Variants in CAMKK2 observed in about 807,000 individuals in gnomAD.
CAMKK2 encodes the protein calcium/calmodulin dependent protein kinase kinase 2, also known as calcium/calmodulin-dependent protein kinase kinase 2.
A neutral mutation model predicts 67.2 loss-of-function variants in CAMKK2; 30 were observed. That is an observed-to-expected ratio of 0.45 (90% CI 0.33 to 0.61). CAMKK2 has a LOEUF of 0.61. CAMKK2 is among the 20% of genes least tolerant of loss of function. The pLI is 0.02. For missense variants in CAMKK2, 643 were observed against 802.0 expected (o/e 0.80, Z 2.39); for synonymous variants, 322 against 326.2 (o/e 0.99, Z 0.14).
At chr12:121,293,278 A>G (rs1024488383) in intron 1 of CAMKK2, among the ~76,000 whole-genome samples, 2 of 152,188 alleles carry the variant, frequency 1.3e-5, no homozygotes, top group Non-Finnish European at 2.9e-5. Context: ...ACTCCATCTC[A>G]AAGAAAAGAA....
chr12:121,248,454 C>A, intron 14 of CAMKK2, 152 bp downstream of exon 14: 1 of 804,976 alleles, frequency 1.2e-6, no homozygotes, highest in Non-Finnish European at 2.0e-6. Flanking sequence ...TGGCCTGATA[C>A]ATGACCAAGG....
chr12:121,287,526 G>T (rs1566139828), intron 1 of CAMKK2, among the ~76,000 whole-genome samples: 2 of 152,104 alleles, frequency 1.3e-5, no homozygotes, highest in Admixed American at 6.6e-5. Flanking sequence ...AGTGACCCTT[G>T]AGGCCCTGGA....
Position 121,253,492 on chromosome 12 carries a change from A to T in CAMKK2, c.908-20T>A. On this transcript the variant is annotated intron_variant, in intron 9 of 16. Transcript: ENST00000404169. This position sits in a 1 kb window ranked among gnomAD's most constrained non-coding sequence, Gnocchi z 5.0. ...AGTGTACTGGGGAGGCGTAGACAGC[A>T]GGTGGGAGATAGGGGCAGGAAAACC... is the stretch of plus-strand genomic sequence containing the variant. 6.2e-7 allele frequency: 1 copy of T among 1,611,482 alleles called. No homozygotes were observed. The highest frequency in any genetic ancestry group is 1.1e-5 in the South Asian group (1 of 91,036).
Position 121,237,966 on chromosome 12 carries a change from G to A in CAMKK2, c.*2733C>T, listed in dbSNP as rs1208902714. On this transcript the variant is annotated 3_prime_UTR_variant, in exon 17 of 17. Transcript: ENST00000404169. This position sits in a 1 kb window ranked among gnomAD's most constrained non-coding sequence, Gnocchi z 4.5. ...CTGGAGAGGGGAACCAGCGTACCCTGAAACTTCCCTAGCACCTTGGAAGCA... is the reference window on the plus strand; with the variant it reads ...CTGGAGAGGGGAACCAGCGTACCCTAAAACTTCCCTAGCACCTTGGAAGCA... 6.6e-6 allele frequency: 1 copy of A among 152,644 alleles called. No individual in the cohort carries two copies. The highest frequency in any genetic ancestry group is 2.4e-5 in the African/African-American group (1 of 41,454). 9.5% of individuals were successfully genotyped at this position (152,644 alleles called of 1,614,324 possible). A position where few individuals can be genotyped will look rare whatever the true frequency, so the allele number is the denominator to read the frequency against.
rs1319882113 is a variant in CAMKK2, at chr12:121,296,664, C to G, written c.-86G>C. The G allele has an allele frequency of 1.3e-5, 2 of 150,732 alleles. No homozygotes were observed. The highest frequency in any genetic ancestry group is 2.4e-5 in the African/African-American group (1 of 41,196). 9.3% of individuals were successfully genotyped at this position (150,732 alleles called of 1,614,324 possible). A position where few individuals can be genotyped will look rare whatever the true frequency, so the allele number is the denominator to read the frequency against. On this transcript the variant is annotated 5_prime_UTR_variant, in exon 1 of 17. Transcript: ENST00000404169. This position sits in a 1 kb window ranked among gnomAD's most constrained non-coding sequence, Gnocchi z 7.1. ...TGGGCTCCGCGCCGCCGCCGCCTCC[C>G]GCGCTCTGCGCCCCCAGCTCGGCTC... is the stretch of plus-strand genomic sequence containing the variant.
intron 4 of CAMKK2, among the ~76,000 whole-genome samples, chr12:121,269,176 C>T (rs142401387): frequency 1.4e-4 from 22 of 152,248 alleles, no homozygotes; most frequent in African/African-American, 5.3e-4. Flanking sequence ...GGTTGGCACA[C>T]GATAGATTCA....
chr12:121,240,973 C>T lies in CAMKK2; in HGVS notation c.1597-104G>A, dbSNP rs1888267961. On this transcript the variant is annotated intron_variant, in intron 16 of 16. Coordinates refer to ENST00000404169, the MANE Select transcript of CAMKK2 (RefSeq NM_001270485.2). The surrounding 1 kb of genome is among the most constrained non-coding windows in gnomAD (Gnocchi z 4.4). The stretch of plus-strand genomic sequence containing the variant: ...GGCCCCCTGCCCAAGTGGGCCGTCG[C>T]GCACCCCCTGGAACGTGATCTACGT... 1.8e-6 allele frequency: 2 copies of T among 1,127,408 alleles called. No individual in the cohort carries two copies. Among genetic ancestry groups the T allele is most frequent in the Admixed American group, 2.1e-5 (1 of 47,934 alleles). 69.8% of individuals were successfully genotyped at this position (1,127,408 alleles called of 1,614,324 possible).
At chr12:121,247,415 G>A (rs1889715551) in intron 14 of CAMKK2, among the ~76,000 whole-genome samples, 1 of 152,198 alleles carries the variant, frequency 6.6e-6, no homozygotes, top group Non-Finnish European at 1.5e-5. Flanking sequence ...GACCTCCAGG[G>A]CCAGACGCTT....
At chr12:121,271,273 CAAAAA>C (rs11332649) in intron 2 of CAMKK2, among the ~76,000 whole-genome samples, 2 of 112,964 alleles carry the variant, frequency 1.8e-5, no homozygotes, top group Non-Finnish European at 3.6e-5. Flanking sequence ...AACTGTGTCT[CAAAAA>C]AAAAAAAAAA....
Position 121,274,103 on chromosome 12 carries a change from G to A in CAMKK2, c.424C>T (p.Arg142Trp), listed in dbSNP as rs201263450. Residue 142 changes from arginine (R) to tryptophan (W), a missense_variant, in exon 2 of 17, where the codon CGG becomes TGG. Transcript: ENST00000404169. ...SSPQSSPRLP[R>W]RPTVESHHVS... ...TGGTGAGACTCCACTGTCGGCCGCC[G>A]GGGCAGCCGAGGCGAGGACTGCGGG... 40 of 1,536,792 alleles carry A rather than the reference G, an allele frequency of 2.6e-5. No homozygotes were observed. Among genetic ancestry groups the A allele is most frequent in the Non-Finnish European group, 3.1e-5 (35 of 1,141,702 alleles).
chr12:121,295,266 C>T (rs184336690), intron 1 of CAMKK2, among the ~76,000 whole-genome samples: 5 of 152,286 alleles, frequency 3.3e-5, no homozygotes, highest in African/African-American at 1.2e-4. Context: ...GTCCTCATCA[C>T]CAATGCCTGC....
intron 1 of CAMKK2, among the ~76,000 whole-genome samples, chr12:121,291,083 G>C (rs1899909990): frequency 6.6e-6 from 1 of 152,240 alleles, no homozygotes; most frequent in Admixed American, 6.5e-5. Context: ...GCCTCCCAAA[G>C]TGCTGGGATT....
At chr12:121,276,092 G>A (rs988360445) in intron 1 of CAMKK2, among the ~76,000 whole-genome samples, 30 of 151,064 alleles carry the variant, frequency 2.0e-4, no homozygotes, top group South Asian at 2.1e-4. Context: ...CCCGGGAGGC[G>A]GAGGTTGCAA....
At chr12:121,291,552 A>G (rs561068221) in intron 1 of CAMKK2, among the ~76,000 whole-genome samples, 3 of 152,354 alleles carry the variant, frequency 2.0e-5, no homozygotes, top group Admixed American at 1.3e-4. Context: ...TTCTATTTAT[A>G]TGAAATGTCC....
intron 8 of CAMKK2, 46 bp from the exon 9 acceptor site, chr12:121,255,684 C>G: frequency 6.2e-7 from 1 of 1,608,948 alleles, no homozygotes; most frequent in African/African-American, 1.3e-5. Flanking sequence ...ACCCGCCAGC[C>G]CTTGCCCTCT....
intron 6 of CAMKK2, among the ~76,000 whole-genome samples, chr12:121,260,952 CAAA>C (rs1056645998): frequency 5.4e-5 from 5 of 91,972 alleles, no homozygotes; most frequent in Non-Finnish European, 1.2e-4. Flanking sequence ...GACTCTGTCT[CAAA>C]AAAAAAAAAA....
In CAMKK2 at chr12:121,238,861, CATCTGGTGCCA is replaced by C. The variant is rs981159553; in HGVS notation, c.*1827_*1837del. 1.3e-5 allele frequency: 2 copies of C among 152,680 alleles called. No homozygotes were observed. Among genetic ancestry groups the C allele is most frequent in the African/African-American group, 4.8e-5 (2 of 41,450 alleles). 9.5% of individuals were successfully genotyped at this position (152,680 alleles called of 1,614,324 possible). A position where few individuals can be genotyped will look rare whatever the true frequency, so the allele number is the denominator to read the frequency against. ...TGCTTATTGCAAACTAACCAAGCCC[CATCTGGTGCCA>C]GAAGGGGTGGAGCTATTGAGTCCTC... On this transcript the variant is annotated 3_prime_UTR_variant, in exon 17 of 17. Transcript: ENST00000404169.
intron 3 of CAMKK2, chr12:121,269,801 T>A: frequency 2.1e-6 from 1 of 469,196 alleles, no homozygotes; most frequent in Non-Finnish European, 3.8e-6. Flanking sequence ...GTAATCCCAA[T>A]ACTTTGGGAG....
chr12:121,252,551 C>G lies in CAMKK2; in HGVS notation c.1161+110G>C, dbSNP rs1890963808. 24 of 1,061,482 alleles carry G rather than the reference C, an allele frequency of 2.3e-5. 1 individual carries two copies. In the South Asian group the frequency reaches 3.3e-4, roughly 15 times the overall value. The allele number at this position is 1,061,482 out of a possible 1,614,324, so 65.8% of individuals were successfully genotyped here. The stretch of plus-strand genomic sequence containing the variant: ...GGGTTTACAGGCGTGAGCCACCATG[C>G]CCAGCCTAAAATAACTCTTAAATAA... On this transcript the variant is annotated intron_variant, in intron 11 of 16. Coordinates refer to ENST00000404169, the MANE Select transcript of CAMKK2 (RefSeq NM_001270485.2).
Sources: gnomAD v4.1 joint callset for allele counts (sites outside exome capture counted in the v4.1 genomes callset) on GRCh38, gnomAD v4.1.1 for gene constraint, Gnocchi (gnomAD v3.1) non-coding constraint, MANE v1.5 for transcripts, NCBI Gene and HGNC (gene_info 2026-07-23, HGNC 2026-07-21) for gene names.